Variants in NGEF observed in about 807,000 individuals in gnomAD.
NGEF encodes the protein ephexin-1.
A neutral mutation model predicts 80.9 loss-of-function variants in NGEF; 31 were observed. The ratio of observed to expected loss-of-function variants is 0.38; its 90% CI spans 0.29 to 0.52. The LOEUF is 0.52. Ranked by LOEUF, NGEF falls within the 20% of genes least tolerant of loss-of-function variation. The pLI is 0.84. For missense variants in NGEF, 709 were observed against 926.2 expected (o/e 0.77, Z 3.04); for synonymous variants, 371 against 370.2 (o/e 1.00, Z -0.03).
In NGEF at chr2:232,892,532, T is replaced by G. The variant is rs959500362; in HGVS notation, c.1142+366A>C. Among the ~76,000 whole-genome samples, 18 of 152,188 alleles carry G rather than the reference T, an allele frequency of 1.2e-4. 1 individual carries two copies. The highest frequency in any genetic ancestry group is 9.8e-4 in the Admixed American group (15 of 15,288). The stretch of plus-strand genomic sequence containing the variant: ...TCCTGTCCCTGCCCTTGTCGCTAGT[T>G]CAAGCCCCGTCTCTGATGTCCTGGG... On this transcript the variant is annotated intron_variant, in intron 7 of 14. Coordinates refer to ENST00000264051, the MANE Select transcript of NGEF (RefSeq NM_019850.3). The surrounding 1 kb of genome is among the most constrained non-coding windows in gnomAD (Gnocchi z 4.0).
intron 3 of NGEF, among the ~76,000 whole-genome samples, chr2:232,959,029 A>G (rs1451866432): frequency 6.6e-6 from 1 of 152,264 alleles, no homozygotes; most frequent in East Asian, 1.9e-4. Flanking sequence ...TAAAGAGATT[A>G]TCAATAATCT....
intron 6 of NGEF, 41 bp from the exon 7 acceptor site, chr2:232,893,091 G>T (rs1407101030): frequency 3.1e-6 from 5 of 1,590,046 alleles, no homozygotes; most frequent in African/African-American, 1.3e-5. Flanking sequence ...TGCCCGGGGG[G>T]TAGGGTGGGG....
chr2:232,981,788 G>C (rs72978202), intron 1 of NGEF, among the ~76,000 whole-genome samples: 32,191 of 152,138 alleles, frequency 0.21, 4,131 homozygotes, highest in Non-Finnish European at 0.28. Context: ...AGCTGGCTCT[G>C]CGTGAATTAC....
intron 3 of NGEF, among the ~76,000 whole-genome samples, chr2:232,955,149 T>G (rs965565403): frequency 7.9e-5 from 12 of 152,202 alleles, no homozygotes; most frequent in Non-Finnish European, 1.0e-4. Flanking sequence ...ATTAATTGTT[T>G]TTTACATTTT....
chr2:232,968,135 C>G (rs1694103968), intron 3 of NGEF, among the ~76,000 whole-genome samples: 1 of 140,148 alleles, frequency 7.1e-6, no homozygotes, highest in Admixed American at 7.2e-5. Flanking sequence ...GTTGCCCAGG[C>G]TGGAGTGCAA....
chr2:233,001,635 G>A (rs1694980550), intron 1 of NGEF, among the ~76,000 whole-genome samples: 1 of 152,218 alleles, frequency 6.6e-6, no homozygotes, highest in African/African-American at 2.4e-5. Flanking sequence ...ATGCTGGCTT[G>A]GGTGAGTGAG....
chr2:232,970,047 T>C, intron 3 of NGEF, 167 bp downstream of exon 3: 1 of 408,352 alleles, frequency 2.4e-6, no homozygotes, highest in Non-Finnish European at 4.3e-6. Context: ...CAAAAGTTTT[T>C]TTTAAATTAT....
intron 6 of NGEF, 170 bp downstream of exon 6, chr2:232,894,586 G>A (rs1691994603): frequency 1.5e-6 from 1 of 664,294 alleles, no homozygotes; most frequent in Non-Finnish European, 2.3e-6. Flanking sequence ...TGCCAGAAGG[G>A]GTGGTGAGGT....
chr2:233,002,205 G>A (rs1253085329), intron 1 of NGEF, among the ~76,000 whole-genome samples: 4 of 151,924 alleles, frequency 2.6e-5, no homozygotes, highest in Non-Finnish European at 5.9e-5. Flanking sequence ...CGAGTCAAAC[G>A]TTCAAAAAAT....
chr2:232,949,724 C>G (rs547686810), intron 3 of NGEF, among the ~76,000 whole-genome samples: 9 of 140,526 alleles, frequency 6.4e-5, no homozygotes, highest in Non-Finnish European at 1.4e-4. Context: ...GGTGATCTGC[C>G]TGCCTCAGAC....
chr2:232,928,138 C>A, intron 3 of NGEF: 2 of 993,926 alleles, frequency 2.0e-6, no homozygotes, highest in Non-Finnish European at 2.4e-6. Context: ...GCCGCCGCCA[C>A]CGCTGCCGAG....
chr2:233,009,479 G>A (rs1695158077), intron 1 of NGEF, among the ~76,000 whole-genome samples: 1 of 151,926 alleles, frequency 6.6e-6, no homozygotes, highest in African/African-American at 2.4e-5. Context: ...CACTGCACCC[G>A]GTTCATATAC....
intron 5 of NGEF, among the ~76,000 whole-genome samples, chr2:232,917,698 A>G (rs1334738695): frequency 6.6e-6 from 1 of 152,062 alleles, no homozygotes; most frequent in African/African-American, 2.4e-5. Flanking sequence ...TCACTTGGGT[A>G]ATTTTTCTTG....
At chr2:232,909,488 G>T (rs1692647825) in intron 5 of NGEF, among the ~76,000 whole-genome samples, 2 of 151,786 alleles carry the variant, frequency 1.3e-5, no homozygotes, top group African/African-American at 4.8e-5. Context: ...AATATTTTTT[G>T]GAGGGGGTAA....
chr2:232,983,540 G>C (rs559966470), intron 1 of NGEF, among the ~76,000 whole-genome samples: 1 of 152,270 alleles, frequency 6.6e-6, no homozygotes, highest in East Asian at 1.9e-4. Context: ...AGGGAAGCCA[G>C]GGAGCCTTGG....
chr2:232,959,087 T>C (rs1693892149), intron 3 of NGEF, among the ~76,000 whole-genome samples: 1 of 152,250 alleles, frequency 6.6e-6, no homozygotes, highest in Admixed American at 6.5e-5. Context: ...CCACAGTGTG[T>C]TTTAAAAGAG....
chr2:232,918,161 T>C (rs1692851465), intron 5 of NGEF, among the ~76,000 whole-genome samples: 1 of 152,176 alleles, frequency 6.6e-6, no homozygotes, highest in African/African-American at 2.4e-5. Flanking sequence ...TTTCACCACA[T>C]TTGCCAGGCT....
In NGEF at chr2:232,879,421, C is replaced by CG. The variant is rs1491382169; in HGVS notation, c.*67_*68insC. The CG allele has an allele frequency of 2.3e-4, 8 of 34,046 alleles. No individual in the cohort carries two copies. The highest frequency in any genetic ancestry group is 1.1e-3 in the African/African-American group (2 of 1,796). The allele number at this position is 34,046 out of a possible 1,614,324, so 2.1% of individuals were successfully genotyped here. A position where few individuals can be genotyped will look rare whatever the true frequency, so the allele number is the denominator to read the frequency against. On this transcript the variant is annotated 3_prime_UTR_variant, in exon 15 of 15. Coordinates refer to ENST00000264051, the MANE Select transcript of NGEF (RefSeq NM_019850.3). ...AGGTGCTGGCCTGTGCTTCCCAGAG[C>CG]CCCCCCCCCCCCACCTTCTGTCGGG...
intron 3 of NGEF, among the ~76,000 whole-genome samples, chr2:232,958,388 C>T (rs757132555): frequency 5.9e-5 from 9 of 152,154 alleles, no homozygotes; most frequent in Non-Finnish European, 1.0e-4. Flanking sequence ...TACTTCTGGA[C>T]CAGTCTGCAC....
Sources: gnomAD v4.1 joint callset for allele counts (sites outside exome capture counted in the v4.1 genomes callset) on GRCh38, gnomAD v4.1.1 for gene constraint, Gnocchi (gnomAD v3.1) non-coding constraint, MANE v1.5 for transcripts, NCBI Gene and HGNC (gene_info 2026-07-23, HGNC 2026-07-21) for gene names.